PCDHGA3: variants seen among roughly 807,000 people sequenced by gnomAD.
PCDHGA3 encodes protocadherin gamma subfamily A, 3, also known as protocadherin gamma-A3.
Under a neutral mutation model 58.5 loss-of-function variants are expected in PCDHGA3, and 40 were observed. That is an observed-to-expected ratio of 0.68 (90% CI 0.53 to 0.89). The LOEUF (loss-of-function observed/expected upper bound fraction) is 0.89, where lower values mean the gene tolerates loss of function less well. PCDHGA3 is among the 40% of genes least tolerant of loss of function. The pLI, the probability that PCDHGA3 is intolerant of heterozygous loss-of-function variation, is 0.00. For synonymous variants in PCDHGA3, 530 were observed against 525.7 expected (o/e 1.01, Z -0.11); for missense variants, 1,223 against 1,195.9 (o/e 1.02, Z -0.33).
intron 1 of PCDHGA3, chr5:141,378,729 T>C (rs769149282): frequency 1.1e-4 from 17 of 152,216 alleles, no homozygotes; most frequent in African/African-American, 3.4e-4. Flanking sequence ...GAACTCTTTA[T>C]TGAAATATTT....
chr5:141,362,610 G>T, intron 1 of PCDHGA3: 1 of 1,557,774 alleles, frequency 6.4e-7, no homozygotes, highest in Non-Finnish European at 8.7e-7. Flanking sequence ...CACCTAATTT[G>T]GGTAGGAAGT....
intron 1 of PCDHGA3, chr5:141,419,312 G>A (rs35892780): frequency 1.2e-6 from 2 of 1,613,962 alleles, no homozygotes; most frequent in South Asian, 2.2e-5. Context: ...CGGGCTCAAC[G>A]GCCGTGTCTC....
chr5:141,402,918 A>C (rs766546022), intron 1 of PCDHGA3: 55 of 1,569,938 alleles, frequency 3.5e-5, no homozygotes, highest in Non-Finnish European at 4.7e-5. Flanking sequence ...GCGCGCACAG[A>C]GATCCTTTTG....
At chr5:141,407,547 T>C (rs895082728) in intron 1 of PCDHGA3, among the ~76,000 whole-genome samples, 1 of 151,860 alleles carries the variant, frequency 6.6e-6, no homozygotes, top group Non-Finnish European at 1.5e-5. Flanking sequence ...GGTAACAGAT[T>C]GTAGAACATA....
intron 1 of PCDHGA3, chr5:141,394,722 G>A (rs1483795023): frequency 2.5e-6 from 4 of 1,613,314 alleles, no homozygotes; most frequent in Admixed American, 3.3e-5. Flanking sequence ...GGACAGAGAT[G>A]CGCTCAAGCA....
chr5:141,409,644 TG>T, intron 1 of PCDHGA3: 1 of 1,613,700 alleles, frequency 6.2e-7, no homozygotes, highest in Non-Finnish European at 8.5e-7. Flanking sequence ...GACCCGGATT[TG>T]GGGCTCAATG....
At chr5:141,376,603 G>A (rs1772884003) in intron 1 of PCDHGA3, 1 of 1,516,632 alleles carries the variant, frequency 6.6e-7, no homozygotes, top group East Asian at 2.3e-5. Context: ...TGTTATAGAA[G>A]CGAACCTCTT....
chr5:141,464,517 G>A lies in PCDHGA3; in HGVS notation c.2425-30290G>A, dbSNP rs1487703873. 2.0e-5 allele frequency among the ~76,000 whole-genome samples: 3 copies of A among 151,862 alleles called. No individual in the cohort carries two copies. In the South Asian group the frequency reaches 6.2e-4, roughly 32 times the overall value. On this transcript the variant is annotated intron_variant, in intron 1 of 3. Transcript: ENST00000253812. ...GTGATTGCTGCATCATAAGGTAAAG[G>A]CATATGTAGTTTTGTTAAATATAGC...
Position 141,456,898 on chromosome 5 carries a change from G to A in PCDHGA3, c.2425-37909G>A, listed in dbSNP as rs1046778634. 3.9e-5 allele frequency among the ~76,000 whole-genome samples: 6 copies of A among 152,284 alleles called. No individual in the cohort carries two copies. The South Asian group carries it at 6.2e-4, about 16-fold the overall frequency. On this transcript the variant is annotated intron_variant, in intron 1 of 3. Transcript: ENST00000253812. ...GAATCGCTTGAACCCGGGAGGCAGA[G>A]GTTGCAGTGAGCCGAGATCGCACCA...
intron 1 of PCDHGA3, among the ~76,000 whole-genome samples, chr5:141,447,640 G>A (rs184184100): frequency 6.6e-6 from 1 of 152,198 alleles, no homozygotes; most frequent in Admixed American, 6.5e-5. Flanking sequence ...TATGAATGAT[G>A]GTAGAATTTT....
At chr5:141,415,282 G>A in intron 1 of PCDHGA3, 1 of 1,614,224 alleles carries the variant, frequency 6.2e-7, no homozygotes, top group Non-Finnish European at 8.5e-7. Flanking sequence ...AGCGGTGGCC[G>A]CGGTCTCCTG....
intron 1 of PCDHGA3, among the ~76,000 whole-genome samples, chr5:141,450,424 CTTTAA>C (rs2098679800): frequency 1.3e-5 from 2 of 152,146 alleles, no homozygotes; most frequent in East Asian, 3.9e-4. Context: ...TGTATAATGC[CTTTAA>C]TTTATATTTG....
chr5:141,413,651 C>T (rs377135032), intron 1 of PCDHGA3: 16 of 1,613,658 alleles, frequency 9.9e-6, no homozygotes, highest in Non-Finnish European at 8.5e-6. Context: ...TTTCCTCTCC[C>T]GGAAGCTATT....
At chr5:141,492,161 TC>T (rs1269738341) in intron 1 of PCDHGA3, among the ~76,000 whole-genome samples, 2 of 152,142 alleles carry the variant, frequency 1.3e-5, no homozygotes, top group Admixed American at 6.5e-5. Context: ...ACCCTCCCTA[TC>T]CCCGCATCAC....
chr5:141,357,340 C>T (rs774673151), intron 1 of PCDHGA3: 1 of 1,614,134 alleles, frequency 6.2e-7, no homozygotes, highest in Admixed American at 1.7e-5. Flanking sequence ...GCTGCTAGCA[C>T]TCAAGCTGAG....
chr5:141,356,986 A>C, intron 1 of PCDHGA3: 1 of 1,614,164 alleles, frequency 6.2e-7, no homozygotes, highest in Non-Finnish European at 8.5e-7. Context: ...GGCAGTGGAC[A>C]GAGACTCAGG....
At chr5:141,393,669 G>A in intron 1 of PCDHGA3, 1 of 1,613,886 alleles carries the variant, frequency 6.2e-7, no homozygotes, top group Non-Finnish European at 8.5e-7. Flanking sequence ...GAAAATTAAT[G>A]AAAAACAAAC....
At chr5:141,435,314 G>T (rs1490871069) in intron 1 of PCDHGA3, among the ~76,000 whole-genome samples, 6 of 152,006 alleles carry the variant, frequency 3.9e-5, no homozygotes, top group African/African-American at 9.7e-5. Flanking sequence ...AATCATTCAT[G>T]AACTTCCAAA....
intron 1 of PCDHGA3, chr5:141,430,741 A>T (rs370226249): frequency 6.7e-6 from 10 of 1,498,900 alleles, no homozygotes; most frequent in Non-Finnish European, 8.9e-6. Flanking sequence ...ATTGAAAATA[A>T]TTCTGGAGGA....
Sources: gnomAD v4.1 joint callset for allele counts (sites outside exome capture counted in the v4.1 genomes callset) on GRCh38, gnomAD v4.1.1 for gene constraint, MANE v1.5 for transcripts, NCBI Gene and HGNC (gene_info 2026-07-23, HGNC 2026-07-21) for gene names.